The following ATP2B1 variants were observed in gnomAD, a reference collection of about 807,000 sequenced individuals.
ATP2B1 encodes plasma membrane calcium-transporting ATPase 1.
In ATP2B1, 14 loss-of-function variants were observed where a neutral mutation model predicts 124.2. The observed-to-expected ratio is 0.11, with a 90% CI of 0.07 to 0.18. ATP2B1 has a LOEUF of 0.18. ATP2B1 is among the 10% of genes least tolerant of loss of function. The pLI, the probability that ATP2B1 is intolerant of heterozygous loss-of-function variation, is 1.00. For missense variants in ATP2B1, 763 were observed against 1,466.1 expected (o/e 0.52, Z 7.83); for synonymous variants, 449 against 492.4 (o/e 0.91, Z 1.17).
chr12:89,650,923 T>C (rs1345726547), intron 2 of ATP2B1, among the ~76,000 whole-genome samples: 1 of 152,032 alleles, frequency 6.6e-6, no homozygotes, highest in Non-Finnish European at 1.5e-5. Context: ...AAAAAAAAAC[T>C]GTGAAGGTAA....
At chr12:89,684,206 G>C (rs1889697627) in intron 1 of ATP2B1, among the ~76,000 whole-genome samples, 1 of 152,186 alleles carries the variant, frequency 6.6e-6, no homozygotes, top group African/African-American at 2.4e-5. Flanking sequence ...AAAAAGAGCA[G>C]GGACGGGAAA....
At chr12:89,678,826 A>C (rs1302588792) in intron 1 of ATP2B1, among the ~76,000 whole-genome samples, 1 of 152,166 alleles carries the variant, frequency 6.6e-6, no homozygotes, top group Non-Finnish European at 1.5e-5. Flanking sequence ...TCATTCGCAC[A>C]TTTACATGCA....
intron 10 of ATP2B1, 88 bp downstream of exon 10, chr12:89,621,461 T>C (rs1438250193): frequency 4.7e-6 from 5 of 1,069,854 alleles, no homozygotes; most frequent in Non-Finnish European, 6.3e-6. Flanking sequence ...TCAGTTTACA[T>C]ACAGTAATGG....
intron 15 of ATP2B1, among the ~76,000 whole-genome samples, chr12:89,607,439 T>C (rs1877133875): frequency 6.6e-6 from 1 of 152,172 alleles, no homozygotes; most frequent in African/African-American, 2.4e-5. Context: ...CACTTGTCAC[T>C]GTCCTGTAAT....
chr12:89,593,536 A>G (rs548357740), intron 20 of ATP2B1: 2 of 152,150 alleles, frequency 1.3e-5, no homozygotes, highest in African/African-American at 4.8e-5. Context: ...GCAGTGAAGA[A>G]TCGGGGGGAA....
intron 1 of ATP2B1, among the ~76,000 whole-genome samples, chr12:89,693,643 A>C (rs984341264): frequency 9.9e-5 from 15 of 152,220 alleles, no homozygotes; most frequent in African/African-American, 3.4e-4. Context: ...GTAAATTTTC[A>C]ATTAGTTCCT....
rs566593093 is a variant in ATP2B1, at chr12:89,653,132, C to T, written c.208+2547G>A. Among the ~76,000 whole-genome samples, 27 of 152,204 alleles carry T rather than the reference C, an allele frequency of 1.8e-4. No individual in the cohort carries two copies. The East Asian group carries it at 4.6e-3, about 26-fold the overall frequency. ...AAAAAACAAATTGTGTATATATAAA[C>T]AGTGAGGACAAGTTTATACAAATTT... On this transcript the variant is annotated intron_variant, in intron 2 of 20. Coordinates refer to ENST00000428670, the MANE Select transcript of ATP2B1 (RefSeq NM_001366521.1).
At chr12:89,674,042 T>A (rs1265063179) in intron 1 of ATP2B1, among the ~76,000 whole-genome samples, 2 of 152,166 alleles carry the variant, frequency 1.3e-5, no homozygotes. Flanking sequence ...CTTACTGACA[T>A]GGGCAAGAAA....
intron 1 of ATP2B1, among the ~76,000 whole-genome samples, chr12:89,662,831 T>C (rs1886866059): frequency 6.6e-6 from 1 of 152,126 alleles, no homozygotes; most frequent in Non-Finnish European, 1.5e-5. Context: ...CTAAGTACAG[T>C]ACTTTAAAGG....
At chr12:89,664,989 T>C (rs1592913867) in intron 1 of ATP2B1, among the ~76,000 whole-genome samples, 1 of 151,822 alleles carries the variant, frequency 6.6e-6, no homozygotes, top group African/African-American at 2.4e-5. Flanking sequence ...CACCACCATA[T>C]CCAGCTAATT....
At chr12:89,648,977 T>C (rs1158483880) in intron 2 of ATP2B1, among the ~76,000 whole-genome samples, 1 of 152,242 alleles carries the variant, frequency 6.6e-6, no homozygotes. Flanking sequence ...AATTTGCAGA[T>C]ACTCAGAATT....
chr12:89,626,319 T>C, intron 8 of ATP2B1, 135 bp downstream of exon 8: 4 of 986,550 alleles, frequency 4.1e-6, no homozygotes, highest in East Asian at 2.6e-5. Flanking sequence ...GCATTGTAGC[T>C]AGAACTGAAA....
chr12:89,598,616 G>T (rs764067538), intron 20 of ATP2B1: 1 of 1,613,912 alleles, frequency 6.2e-7, no homozygotes, highest in Non-Finnish European at 8.5e-7. Flanking sequence ...AGCAGTAGAA[G>T]AGGAAAACAC....
intron 3 of ATP2B1, among the ~76,000 whole-genome samples, chr12:89,641,488 T>C (rs890262010): frequency 1.3e-5 from 2 of 152,214 alleles, no homozygotes; most frequent in Non-Finnish European, 2.9e-5. Context: ...ATACACCTTA[T>C]ACACATAGCC....
In ATP2B1 at chr12:89,603,107, A is replaced by G; in HGVS notation, c.2996T>C (p.Val999Ala). ...GGCATTGTTAAAGATTCCTTCGAAT[A>G]CATTTCTTTCACCATGAATTTTCCG... ...NARKIHGERN[V>A]FEGIFNNAIF... is the part of the protein sequence containing the mutation. Residue 999 changes from valine (V) to alanine (A), a missense_variant, in exon 18 of 21, where the codon GTA becomes GCA. By Grantham distance (64) the Val-to-Ala change is moderately conservative. Around this residue, in one of 7 missense-constraint regions of ATP2B1, gnomAD observed 118 missense variants for 240.3 expected, o/e 0.49. Coordinates refer to ENST00000428670, the MANE Select transcript of ATP2B1 (RefSeq NM_001366521.1). This position sits in a 1 kb window ranked among gnomAD's most constrained non-coding sequence, Gnocchi z 4.3. The G allele has an allele frequency of 6.2e-7, 1 of 1,614,022 alleles. No homozygotes were observed. Among genetic ancestry groups the G allele is most frequent in the East Asian group, 2.2e-5 (1 of 44,828 alleles).
At chr12:89,642,074 T>G (rs1883620504) in intron 3 of ATP2B1, 84 bp downstream of exon 3, 1 of 1,333,002 alleles carries the variant, frequency 7.5e-7, no homozygotes, top group Admixed American at 1.9e-5. Flanking sequence ...CAATAAATGC[T>G]GGCCAGCTAT....
At position 89,626,782 on chromosome 12, in the gene ATP2B1, T is replaced by C. The variant is rs187411318; in HGVS notation, c.968-167A>G. Among the ~76,000 whole-genome samples the C allele has an allele frequency of 1.6e-4, 25 of 152,294 alleles. No individual in the cohort carries two copies. The East Asian group carries it at 4.0e-3, about 25-fold the overall frequency. On this transcript the variant is annotated intron_variant, in intron 7 of 20. Transcript: ENST00000428670. ...CTACACAGAGAAAATAAGACAATAG[T>C]GACGTTAGGTTGTGAAACTTTGTAC...
chr12:89,604,609 C>A (rs1268726956), intron 15 of ATP2B1, among the ~76,000 whole-genome samples: 1 of 151,912 alleles, frequency 6.6e-6, no homozygotes, highest in African/African-American at 2.4e-5. Flanking sequence ...AAGACATTAC[C>A]CAAGTTCCTT....
chr12:89,653,313 G>A (rs1302475416), intron 2 of ATP2B1, among the ~76,000 whole-genome samples: 15 of 133,804 alleles, frequency 1.1e-4, no homozygotes, highest in South Asian at 2.3e-4. Flanking sequence ...TTTTTGAGAC[G>A]GAGTCTCGCT....
Sources: gnomAD v4.1 joint callset for allele counts (sites outside exome capture counted in the v4.1 genomes callset) on GRCh38, gnomAD v4.1.1 for gene constraint, gnomAD v4.1.1 regional missense constraint, Gnocchi (gnomAD v3.1) non-coding constraint, MANE v1.5 for transcripts, NCBI Gene and HGNC (gene_info 2026-07-23, HGNC 2026-07-21) for gene names.